The following EYA4 variants were observed in gnomAD, a reference collection of about 807,000 sequenced individuals.
EYA4 encodes the protein EYA transcriptional coactivator and phosphatase 4, also known as protein phosphatase EYA4.
In EYA4, 31 loss-of-function variants were observed where a neutral mutation model predicts 87.9. The observed-to-expected ratio is 0.35, with a 90% confidence interval of 0.27 to 0.48. The LOEUF is 0.48. Ranked by LOEUF, EYA4 falls within the 20% of genes least tolerant of loss-of-function variation. EYA4 has a pLI of 0.99. For synonymous variants in EYA4, 263 were observed against 270.6 expected, an observed-to-expected ratio of 0.97 and a Z score of 0.28; for missense variants, 678 against 761.4, an observed-to-expected ratio of 0.89 and a Z score of 1.29.
intron 3 of EYA4, among the ~76,000 whole-genome samples, chr6:133,414,346 C>T (rs1011396413): frequency 6.6e-6 from 1 of 152,234 alleles, no homozygotes; most frequent in Admixed American, 6.5e-5. Flanking sequence ...GTCTGACTCA[C>T]ACACTCCCAA....
At chr6:133,372,245 A>G (rs1785321351) in intron 2 of EYA4, among the ~76,000 whole-genome samples, 1 of 152,030 alleles carries the variant, frequency 6.6e-6, no homozygotes, top group Non-Finnish European at 1.5e-5. Flanking sequence ...TTCACATAGA[A>G]CTATTTTCAG....
intron 13 of EYA4, among the ~76,000 whole-genome samples, chr6:133,489,585 A>C (rs1796965604): frequency 6.6e-6 from 1 of 152,090 alleles, no homozygotes; most frequent in Non-Finnish European, 1.5e-5. Flanking sequence ...ATAGGCTAGG[A>C]GGGAGTGGCA....
chr6:133,501,005 C>T (rs1798069951), intron 13 of EYA4, among the ~76,000 whole-genome samples: 1 of 152,124 alleles, frequency 6.6e-6, no homozygotes, highest in Admixed American at 6.5e-5. Flanking sequence ...TCTTAAAATC[C>T]TTGTTTCCTT....
chr6:133,270,546 T>G lies in EYA4; in HGVS notation c.-65-4170T>G, dbSNP rs1049584280. Among the ~76,000 whole-genome samples, 49 of 152,230 alleles carry G rather than the reference T, an allele frequency of 3.2e-4. 1 individual carries two copies. Among genetic ancestry groups the G allele is most frequent in the Non-Finnish European group, 4.9e-4 (33 of 68,036 alleles). ...TACAGTCCCCGTTTCTGCAGTGGTC[T>G]CGTGGTCGTAGATGCTATTGATGAC... On this transcript the variant is annotated intron_variant, in intron 1 of 19. Coordinates refer to ENST00000355286, the MANE Select transcript of EYA4 (RefSeq NM_004100.5).
chr6:133,340,913 G>A (rs1782733187), intron 2 of EYA4, among the ~76,000 whole-genome samples: 1 of 152,172 alleles, frequency 6.6e-6, no homozygotes, highest in South Asian at 2.1e-4. Context: ...CCTGAAATTA[G>A]AAGGGGTGGG....
At chr6:133,438,254 G>A (rs569417617) in intron 3 of EYA4, among the ~76,000 whole-genome samples, 50 of 151,802 alleles carry the variant, frequency 3.3e-4, no homozygotes, top group Non-Finnish European at 6.2e-4. Context: ...ATTGCATTTC[G>A]GTTTCCTGTG....
rs576462730 is a variant in EYA4, at chr6:133,504,207, T to G, written c.1192-1899T>G. ...TGCTGGGAACACAGGCGTGAGCCAC[T>G]GTGCCTGGCCTACTTATTAATAATT... On this transcript the variant is annotated intron_variant, in intron 13 of 19. Transcript: ENST00000355286. Among the ~76,000 whole-genome samples, 11 of 152,334 alleles carry G rather than the reference T, an allele frequency of 7.2e-5. No individual in the cohort carries two copies. In the South Asian group the frequency reaches 2.3e-3, roughly 32 times the overall value.
At chr6:133,499,720 C>T (rs1376463046) in intron 13 of EYA4, among the ~76,000 whole-genome samples, 1 of 152,100 alleles carries the variant, frequency 6.6e-6, no homozygotes, top group African/African-American at 2.4e-5. Context: ...ACATTTGGTC[C>T]TTGAAGTTAA....
chr6:133,474,492 C>G (rs372296634), intron 11 of EYA4, among the ~76,000 whole-genome samples: 1 of 152,144 alleles, frequency 6.6e-6, no homozygotes, highest in South Asian at 2.1e-4. Context: ...TTTCATCAGG[C>G]CTTCATTGGT....
chr6:133,378,316 A>G (rs1015240915), intron 2 of EYA4, among the ~76,000 whole-genome samples: 1 of 152,132 alleles, frequency 6.6e-6, no homozygotes, highest in Non-Finnish European at 1.5e-5. Context: ...TTTCTAGTTC[A>G]TAAGAGGAGG....
In EYA4 at chr6:133,446,768, C is replaced by A. The variant is rs1792886139; in HGVS notation, c.208+14C>A. On this transcript the variant is annotated intron_variant, in intron 4 of 19. Transcript: ENST00000355286. ...ATGGGACAGGAGGTAAGTGTACTAC[C>A]CTGAAGATACCCAGAATCATATTTC... 3.7e-6 allele frequency: 6 copies of A among 1,612,404 alleles called. No individual in the cohort carries two copies. The East Asian group carries it at 1.3e-4, about 36-fold the overall frequency.
intron 1 of EYA4, among the ~76,000 whole-genome samples, chr6:133,272,805 C>T (rs1413332422): frequency 6.6e-6 from 1 of 152,104 alleles, no homozygotes; most frequent in Non-Finnish European, 1.5e-5. Flanking sequence ...CTGTTCTGGA[C>T]CCCAGGCAGT....
rs779867726 is a variant in EYA4, at chr6:133,446,635, TG to T, written c.91del (p.Glu31LysfsTer5). 1 of 1,613,992 alleles carries T rather than the reference TG, an allele frequency of 6.2e-7. No individual in the cohort carries two copies. The highest frequency in any genetic ancestry group is 1.1e-5 in the South Asian group (1 of 91,086). On this transcript the variant is annotated frameshift_variant, in exon 4 of 20. Coordinates refer to ENST00000355286, the MANE Select transcript of EYA4 (RefSeq NM_004100.5). LOFTEE classifies it high-confidence loss of function. ...GCTGCTTACTGCTCTACCAGGTCTA[TG>T]GAAATGCAGGACCTAGCAAGTCCTC... ...DVSQSQNSRSMEMQDLASPHT... is the reference protein window; with the variant it reads ...DVSQSQNSRSXEMQDLASPHT...
chr6:133,385,901 T>G (rs951760912), intron 3 of EYA4, among the ~76,000 whole-genome samples: 1 of 152,216 alleles, frequency 6.6e-6, no homozygotes, highest in Non-Finnish European at 1.5e-5. Context: ...CTATCTTCTT[T>G]GAAATAGCAT....
chr6:133,469,781 A>T (rs1199253707), intron 11 of EYA4, among the ~76,000 whole-genome samples: 1 of 152,078 alleles, frequency 6.6e-6, no homozygotes, highest in Non-Finnish European at 1.5e-5. Flanking sequence ...CCTGGGCTAC[A>T]TAAAGATTTT....
At chr6:133,417,790 A>C (rs558017578) in intron 3 of EYA4, among the ~76,000 whole-genome samples, 2 of 152,326 alleles carry the variant, frequency 1.3e-5, no homozygotes, top group Non-Finnish European at 2.9e-5. Context: ...AAAGGGTTTA[A>C]ATGTTTGCCT....
chr6:133,498,512 G>A (rs1407700575), intron 13 of EYA4, among the ~76,000 whole-genome samples: 2 of 152,146 alleles, frequency 1.3e-5, no homozygotes, highest in East Asian at 1.9e-4. Context: ...ATTTTTCTAA[G>A]GAAATTTGCA....
At chr6:133,307,312 A>T (rs950512575) in intron 2 of EYA4, among the ~76,000 whole-genome samples, 1 of 152,246 alleles carries the variant, frequency 6.6e-6, no homozygotes, top group Admixed American at 6.5e-5. Context: ...TATTGCATTT[A>T]GATTTCCTTT....
At chr6:133,320,197 A>G (rs1400785814) in intron 2 of EYA4, among the ~76,000 whole-genome samples, 1 of 108,468 alleles carries the variant, frequency 9.2e-6, no homozygotes, top group Non-Finnish European at 2.0e-5. Flanking sequence ...ATTGTTAGGG[A>G]TTTCTGTTTT....
Sources: allele counts gnomAD v4.1 joint callset (sites outside exome capture counted in the v4.1 genomes callset), GRCh38; gene constraint gnomAD v4.1.1; transcripts MANE v1.5; gene names NCBI Gene and HGNC (gene_info 2026-07-23, HGNC 2026-07-21).